GRIN2A: variants seen among roughly 807,000 people sequenced by gnomAD.
GRIN2A encodes glutamate ionotropic receptor NMDA type subunit 2A.
In GRIN2A, 22 loss-of-function variants were observed where a neutral mutation model predicts 113.4. The observed-to-expected ratio is 0.19, with a 90% CI of 0.14 to 0.28. The LOEUF (loss-of-function observed/expected upper bound fraction) is 0.28, where lower values mean the gene tolerates loss of function less well. Ranked by LOEUF, GRIN2A falls within the 10% of genes least tolerant of loss-of-function variation. GRIN2A has a pLI of 1.00. For synonymous variants in GRIN2A, 827 were observed against 738.4 expected, an observed-to-expected ratio of 1.12 and a Z score of -1.94; for missense variants, 1,502 against 1,887.0, an observed-to-expected ratio of 0.80 and a Z score of 3.78.
chr16:9,888,412 T>C (rs2141475252), intron 4 of GRIN2A, among the ~76,000 whole-genome samples: 1 of 152,272 alleles, frequency 6.6e-6, no homozygotes, highest in East Asian at 1.9e-4. Context: ...ATCTTTCACA[T>C]TTAAGCCTGT....
intron 9 of GRIN2A, among the ~76,000 whole-genome samples, chr16:9,824,106 T>C (rs2042341183): frequency 6.6e-6 from 1 of 152,218 alleles, no homozygotes; most frequent in Non-Finnish European, 1.5e-5. Flanking sequence ...TGAAAATCGT[T>C]TTCCCTAAAT....
chr16:9,969,112 C>T (rs2045618877), intron 2 of GRIN2A, among the ~76,000 whole-genome samples: 1 of 152,048 alleles, frequency 6.6e-6, no homozygotes, highest in Admixed American at 6.6e-5. Context: ...TCACACTAGC[C>T]ACACTTCAAA....
At chr16:9,783,224 C>G (rs576920211) in intron 11 of GRIN2A, among the ~76,000 whole-genome samples, 27 of 152,234 alleles carry the variant, frequency 1.8e-4, no homozygotes, top group African/African-American at 4.8e-4. Flanking sequence ...TAGACTCAAT[C>G]AACGGTCTTT....
intron 2 of GRIN2A, among the ~76,000 whole-genome samples, chr16:10,073,137 G>C (rs535042392): frequency 1.3e-5 from 2 of 151,988 alleles, no homozygotes; most frequent in East Asian, 3.9e-4. Context: ...TGTATTGTTA[G>C]TAGAGATGGG....
Position 10,114,475 on chromosome 16 carries a change from T to C in GRIN2A, c.414+65523A>G, listed in dbSNP as rs554897872. On this transcript the variant is annotated intron_variant, in intron 2 of 12. Transcript: ENST00000330684. The stretch of plus-strand genomic sequence containing the variant: ...TGTAGGCCAGTCGCCCACAGAAGAA[T>C]CATAACCTTTCAAAGCAGATTGTGT... Among the ~76,000 whole-genome samples the C allele has an allele frequency of 4.4e-4, 67 of 152,172 alleles. 1 individual carries two copies. Among genetic ancestry groups the C allele is most frequent in the African/African-American group, 1.5e-3 (64 of 41,506 alleles).
intron 2 of GRIN2A, among the ~76,000 whole-genome samples, chr16:9,953,232 G>A (rs575115829): frequency 1.3e-5 from 2 of 152,302 alleles, no homozygotes; most frequent in African/African-American, 2.4e-5. Flanking sequence ...CTCATGGATC[G>A]GATTGGCAGG....
intron 4 of GRIN2A, among the ~76,000 whole-genome samples, chr16:9,865,762 G>C (rs150152516): frequency 6.6e-6 from 1 of 152,204 alleles, no homozygotes; most frequent in African/African-American, 2.4e-5. Flanking sequence ...CCTAAACCTG[G>C]GGTCAGCATA....
chr16:9,918,747 A>G (rs2044302527), intron 3 of GRIN2A, among the ~76,000 whole-genome samples: 1 of 152,192 alleles, frequency 6.6e-6, no homozygotes, highest in Admixed American at 6.5e-5. Flanking sequence ...ATTAAAGGGT[A>G]TAATACATCA....
intron 10 of GRIN2A, among the ~76,000 whole-genome samples, chr16:9,814,889 G>A (rs1316357754): frequency 6.6e-6 from 1 of 152,034 alleles, no homozygotes; most frequent in Non-Finnish European, 1.5e-5. Context: ...GCATGGTGTT[G>A]CATACCTGTA....
At chr16:9,941,734 T>C (rs1195696743) in intron 2 of GRIN2A, among the ~76,000 whole-genome samples, 1 of 152,212 alleles carries the variant, frequency 6.6e-6, no homozygotes, top group Non-Finnish European at 1.5e-5. Flanking sequence ...TGGGTGTGGC[T>C]ATGGTAATAA....
At chr16:9,859,995 C>T (rs2043037676) in intron 4 of GRIN2A, among the ~76,000 whole-genome samples, 1 of 151,774 alleles carries the variant, frequency 6.6e-6, no homozygotes, top group Non-Finnish European at 1.5e-5. Flanking sequence ...AGAGGTCTAT[C>T]CTATCCCTAG....
At chr16:10,033,986 CTCT>C (rs898586991) in intron 2 of GRIN2A, 6 of 152,310 alleles carry the variant, frequency 3.9e-5, no homozygotes, top group Non-Finnish European at 7.3e-5. Context: ...GGCCCACTCT[CTCT>C]TCTTTTTTTC....
intron 2 of GRIN2A, among the ~76,000 whole-genome samples, chr16:9,972,946 T>G (rs1302011101): frequency 2.0e-5 from 3 of 152,194 alleles, no homozygotes; most frequent in African/African-American, 7.2e-5. Flanking sequence ...ATTTGGTGGG[T>G]AGAGGGCCAG....
chr16:10,038,857 A>C (rs1474273369), intron 2 of GRIN2A, among the ~76,000 whole-genome samples: 2 of 94,706 alleles, frequency 2.1e-5, no homozygotes, highest in African/African-American at 8.5e-5. Context: ...CAAAAAAAAA[A>C]CAAAAAACAA....
At chr16:9,990,849 C>T (rs763489457) in intron 2 of GRIN2A, among the ~76,000 whole-genome samples, 2 of 152,058 alleles carry the variant, frequency 1.3e-5, no homozygotes, top group Non-Finnish European at 2.9e-5. Context: ...GGTGGATCAC[C>T]TGAAGTCAGG....
intron 2 of GRIN2A, among the ~76,000 whole-genome samples, chr16:10,148,147 T>C (rs2049484323): frequency 6.6e-6 from 1 of 152,194 alleles, no homozygotes; most frequent in Non-Finnish European, 1.5e-5. Flanking sequence ...ATTGGCAAAC[T>C]ACAGCCTGTG....
At chr16:10,051,600 T>C (rs975384111) in intron 2 of GRIN2A, among the ~76,000 whole-genome samples, 1 of 151,952 alleles carries the variant, frequency 6.6e-6, no homozygotes, top group Non-Finnish European at 1.5e-5. Context: ...TCTGAGGGGG[T>C]GTATCAGGGA....
chr16:10,140,391 G>T (rs953586229), intron 2 of GRIN2A, among the ~76,000 whole-genome samples: 5 of 152,100 alleles, frequency 3.3e-5, no homozygotes, highest in African/African-American at 9.7e-5. Flanking sequence ...TGGAAACTGG[G>T]TTCCCAAAAA....
chr16:10,132,542 T>C (rs1253651917), intron 2 of GRIN2A, among the ~76,000 whole-genome samples: 3 of 152,132 alleles, frequency 2.0e-5, no homozygotes, highest in Non-Finnish European at 4.4e-5. Flanking sequence ...ACCTAACTCC[T>C]CATGTCCCTT....
Sources: allele counts gnomAD v4.1 joint callset (sites outside exome capture counted in the v4.1 genomes callset), GRCh38; gene constraint gnomAD v4.1.1; transcripts MANE v1.5; gene names NCBI Gene and HGNC (gene_info 2026-07-23, HGNC 2026-07-21).